ASTN2: variants seen among roughly 807,000 people sequenced by gnomAD.
The protein encoded by ASTN2 is astrotactin-2.
A neutral mutation model predicts 139.8 loss-of-function variants in ASTN2; 54 were observed. The observed-to-expected ratio is 0.39, with a 90% CI of 0.31 to 0.48. The LOEUF is 0.48. ASTN2 is among the 20% of genes least tolerant of loss of function. The pLI, the probability that ASTN2 is intolerant of heterozygous loss-of-function variation, is 0.95. For synonymous variants in ASTN2, 756 were observed against 719.5 expected (o/e 1.05, Z -0.81); for missense variants, 1,565 against 1,725.1 (o/e 0.91, Z 1.64).
intron 12 of ASTN2, among the ~76,000 whole-genome samples, chr9:116,813,656 T>C (rs1831225489): frequency 6.6e-6 from 1 of 152,202 alleles, no homozygotes; most frequent in Non-Finnish European, 1.5e-5. Context: ...AATTTATTCT[T>C]CAATGGTTTG....
At chr9:117,215,636 C>T (rs1832293748) in intron 2 of ASTN2, among the ~76,000 whole-genome samples, 1 of 152,010 alleles carries the variant, frequency 6.6e-6, no homozygotes, top group East Asian at 1.9e-4. Flanking sequence ...TCCTTCAGGG[C>T]AGAGGTATTT....
intron 6 of ASTN2, among the ~76,000 whole-genome samples, chr9:117,024,922 T>C (rs369001359): frequency 2.0e-5 from 3 of 152,028 alleles, no homozygotes; most frequent in African/African-American, 7.2e-5. Flanking sequence ...TGAGATCTGA[T>C]GGTTATAAGG....
At chr9:117,292,768 A>G (rs905054446) in intron 1 of ASTN2, among the ~76,000 whole-genome samples, 3 of 152,088 alleles carry the variant, frequency 2.0e-5, no homozygotes, top group Non-Finnish European at 4.4e-5. Context: ...AACTTATCCA[A>G]TCAGCTCTCT....
rs1029297389 is a variant in ASTN2 at position 117,336,358 on chromosome 9, G to T, written c.443-44845C>A. On this transcript the variant is annotated intron_variant, in intron 1 of 22. Coordinates refer to ENST00000313400, the MANE Select transcript of ASTN2 (RefSeq NM_001365068.1). ...TGTTTCCTTGACATTCAGCTAGGGA[G>T]ATCTCAGAAGAATTAAAGAAAGTTC... is the stretch of plus-strand genomic sequence containing the variant. Among the ~76,000 whole-genome samples, 6 of 152,254 alleles carry T rather than the reference G, an allele frequency of 3.9e-5. No homozygotes were observed. In the South Asian group the frequency reaches 1.2e-3, roughly 32 times the overall value.
At chr9:117,362,386 G>T (rs1359899440) in intron 1 of ASTN2, among the ~76,000 whole-genome samples, 1 of 152,024 alleles carries the variant, frequency 6.6e-6, no homozygotes. Flanking sequence ...ATCAAAACCT[G>T]TGTCATCCAA....
At chr9:116,839,141 A>G (rs1314424946) in intron 11 of ASTN2, among the ~76,000 whole-genome samples, 2 of 151,948 alleles carry the variant, frequency 1.3e-5, no homozygotes, top group East Asian at 1.9e-4. Context: ...AATATTTTTT[A>G]TTTATTGTTA....
intron 1 of ASTN2, among the ~76,000 whole-genome samples, chr9:117,411,886 C>A (rs1295973032): frequency 6.6e-6 from 1 of 152,114 alleles, no homozygotes; most frequent in Non-Finnish European, 1.5e-5. Flanking sequence ...AAACGTTAGG[C>A]AGGATGTTTA....
intron 1 of ASTN2, among the ~76,000 whole-genome samples, chr9:117,333,751 G>A (rs1343079988): frequency 5.9e-5 from 9 of 152,158 alleles, no homozygotes; most frequent in South Asian, 2.1e-4. Context: ...TGATCTGCCC[G>A]CTTCAGCTTC....
At chr9:116,437,505 C>T in intron 22 of ASTN2, 1 of 471,344 alleles carries the variant, frequency 2.1e-6, no homozygotes, top group South Asian at 1.5e-5. Context: ...CAAACCATTA[C>T]TGAGTGGATT....
intron 10 of ASTN2, among the ~76,000 whole-genome samples, chr9:116,911,067 T>C (rs1834297090): frequency 6.6e-6 from 1 of 152,218 alleles, no homozygotes. Flanking sequence ...TCTTTTGTGA[T>C]TCTGTGATTT....
chr9:116,511,354 C>A (rs1367895018), intron 19 of ASTN2, among the ~76,000 whole-genome samples: 5 of 152,096 alleles, frequency 3.3e-5, no homozygotes, highest in Non-Finnish European at 7.4e-5. Flanking sequence ...GGATGAAGCC[C>A]ACTTGATCAT....
chr9:116,871,376 C>T (rs1011700129), intron 10 of ASTN2, among the ~76,000 whole-genome samples: 5 of 152,152 alleles, frequency 3.3e-5, no homozygotes, highest in African/African-American at 4.8e-5. Context: ...TTAAAGTGTA[C>T]AGTTTAAGCA....
Position 116,697,737 on chromosome 9 carries a change from A to G in ASTN2, c.2806+28034T>C, listed in dbSNP as rs1383799272. 1.2e-6 allele frequency: 2 copies of G among 1,613,892 alleles called. No individual in the cohort carries two copies. Among genetic ancestry groups the G allele is most frequent in the Admixed American group, 3.3e-5 (2 of 60,030 alleles). On this transcript the variant is annotated intron_variant, in intron 16 of 22. Coordinates refer to ENST00000313400, the MANE Select transcript of ASTN2 (RefSeq NM_001365068.1). ...TGTGCTAGCAATACCCTTCAAAGGA[A>G]GAGCAATGGCTGCAGCAGCAGCTTC... is the stretch of plus-strand genomic sequence containing the variant.
intron 16 of ASTN2, among the ~76,000 whole-genome samples, chr9:116,673,113 T>C (rs544492691): frequency 1.3e-5 from 2 of 152,232 alleles, no homozygotes; most frequent in South Asian, 4.1e-4. Flanking sequence ...ACATAGAGCA[T>C]ACACCCAAGT....
chr9:116,484,290 C>G (rs938495401), intron 20 of ASTN2, among the ~76,000 whole-genome samples: 5 of 152,178 alleles, frequency 3.3e-5, no homozygotes, highest in East Asian at 1.9e-4. Context: ...TCCCTACAAC[C>G]CTTTGAGATA....
At chr9:117,076,671 T>C (rs767303090) in intron 5 of ASTN2, among the ~76,000 whole-genome samples, 11 of 152,092 alleles carry the variant, frequency 7.2e-5, no homozygotes, top group Non-Finnish European at 1.3e-4. Flanking sequence ...CACCAACTTG[T>C]CTAAGGCAGG....
intron 14 of ASTN2, among the ~76,000 whole-genome samples, chr9:116,732,647 A>G (rs551796604): frequency 1.3e-5 from 2 of 152,312 alleles, no homozygotes; most frequent in South Asian, 4.1e-4. Flanking sequence ...GTAGGAGAGG[A>G]ACTGGGAGCA....
chr9:116,723,872 C>CAGGA (rs1246949111), intron 16 of ASTN2, among the ~76,000 whole-genome samples: 2 of 152,112 alleles, frequency 1.3e-5, no homozygotes, highest in Non-Finnish European at 2.9e-5. Flanking sequence ...ACTAGAAGCC[C>CAGGA]AGGAAGGAAA....
intron 1 of ASTN2, among the ~76,000 whole-genome samples, chr9:117,337,284 T>G (rs1828917202): frequency 6.6e-6 from 1 of 152,082 alleles, no homozygotes; most frequent in South Asian, 2.1e-4. Context: ...AAGACAAAAT[T>G]ATTGGATTGG....
Sources: allele counts gnomAD v4.1 joint callset (sites outside exome capture counted in the v4.1 genomes callset), GRCh38; gene constraint gnomAD v4.1.1; transcripts MANE v1.5; gene names NCBI Gene and HGNC (gene_info 2026-07-23, HGNC 2026-07-21).